Variants in GRIA3 observed in about 807,000 individuals in gnomAD.
GRIA3 encodes the protein glutamate ionotropic receptor AMPA type subunit 3.
GRIA3 carries 3 observed loss-of-function variants against 63.0 expected under a neutral mutation model. The observed-to-expected ratio is 0.05, with a 90% CI of 0.02 to 0.12. The LOEUF (loss-of-function observed/expected upper bound fraction) is 0.12, where lower values mean the gene tolerates loss of function less well. GRIA3 is among the 10% of genes least tolerant of loss of function. The pLI, the probability that GRIA3 is intolerant of heterozygous loss-of-function variation, is 1.00. For synonymous variants in GRIA3, 274 were observed against 257.9 expected (o/e 1.06, Z -0.60); for missense variants, 347 against 700.9 (o/e 0.50, Z 5.70).
chrX:123,330,475 T>C (rs1002213724), intron 4 of GRIA3, among the ~76,000 whole-genome samples: 1 of 112,147 alleles, frequency 8.9e-6, no homozygotes, highest in African/African-American at 3.2e-5. Context: ...GGATTTGGCC[T>C]GCTTATCAGG....
intron 2 of GRIA3, among the ~76,000 whole-genome samples, chrX:123,245,371 C>T (rs1366088000): frequency 1.8e-5 from 2 of 111,765 alleles, no homozygotes; most frequent in Non-Finnish European, 1.9e-5. Flanking sequence ...GCTGAAGCTA[C>T]AGGTATCTAG....
chrX:123,190,125 C>A (rs1927389477), intron 2 of GRIA3, among the ~76,000 whole-genome samples: 1 of 111,319 alleles, frequency 9.0e-6, no homozygotes, highest in Admixed American at 9.5e-5. Context: ...TCTGTCCTTT[C>A]CATGTAAGAT....
At chrX:123,260,406 CAGACAGACAGACAGACAGACAG>C (rs1569409544) in intron 3 of GRIA3, among the ~76,000 whole-genome samples, 1 of 5,152 alleles carries the variant, frequency 1.9e-4, no homozygotes, top group African/African-American at 6.2e-4. Flanking sequence ...GAAAGAAAGA[CAGACAGACAGACAGACAGACAG>C]AAAGAAAGAA....
chrX:123,298,052 AT>A (rs753310018), intron 3 of GRIA3, among the ~76,000 whole-genome samples: 1 of 110,867 alleles, frequency 9.0e-6, no homozygotes, highest in Non-Finnish European at 1.9e-5. Flanking sequence ...AAAGGACACG[AT>A]TTTTTTTATG....
At chrX:123,396,914 C>A (rs2147380021) in intron 6 of GRIA3, among the ~76,000 whole-genome samples, 1 of 112,011 alleles carries the variant, frequency 8.9e-6, no homozygotes, top group South Asian at 3.8e-4. Flanking sequence ...GAGAGAAATT[C>A]ATTTATTCAA....
Position 123,373,279 on chromosome X carries a change from G to C in GRIA3, c.750+18316G>C, listed in dbSNP as rs766726345. On this transcript the variant is annotated intron_variant, in intron 5 of 15. Transcript: ENST00000620443. ...CCAGTCTATCATTGATGGACATTTG[G>C]GTTGGTTCCAAGTCTTTGCTACTGT... is the stretch of plus-strand genomic sequence containing the variant. Among the ~76,000 whole-genome samples the C allele has an allele frequency of 1.1e-4, 12 of 111,463 alleles. No individual in the cohort carries two copies. In the South Asian group the frequency reaches 4.5e-3, roughly 42 times the overall value.
At chrX:123,238,341 A>G (rs1225591394) in intron 2 of GRIA3, among the ~76,000 whole-genome samples, 1 of 110,967 alleles carries the variant, frequency 9.0e-6, no homozygotes, top group Non-Finnish European at 1.9e-5. Flanking sequence ...CAGAGGGCCT[A>G]GGGAGGAGGG....
chrX:123,354,465 A>G (rs2045119469), intron 4 of GRIA3, among the ~76,000 whole-genome samples: 1 of 111,783 alleles, frequency 8.9e-6, no homozygotes. Context: ...TGAAAATCCC[A>G]TTAACCCCAT....
chrX:123,207,877 C>G (rs1238049635), intron 2 of GRIA3, among the ~76,000 whole-genome samples: 4 of 111,446 alleles, frequency 3.6e-5, no homozygotes, highest in African/African-American at 1.3e-4. Flanking sequence ...TTTGAACCAG[C>G]CAAGTATATA....
At chrX:123,192,501 T>TC (rs1379685148) in intron 2 of GRIA3, among the ~76,000 whole-genome samples, 1 of 111,563 alleles carries the variant, frequency 9.0e-6, no homozygotes, top group African/African-American at 3.3e-5. Context: ...CCTCCATCCT[T>TC]CCCTTACCTT....
chrX:123,196,476 C>T (rs978161125), intron 2 of GRIA3, among the ~76,000 whole-genome samples: 19 of 111,746 alleles, frequency 1.7e-4, no homozygotes, highest in South Asian at 7.6e-4. Context: ...TAGACCCAGA[C>T]AAATTCAGCT....
chrX:123,218,288 C>A (rs184283130), intron 2 of GRIA3, among the ~76,000 whole-genome samples: 2 of 111,161 alleles, frequency 1.8e-5, no homozygotes, highest in East Asian at 5.7e-4. Context: ...TTCAGGTTAT[C>A]CAGCTTATTA....
intron 12 of GRIA3, among the ~76,000 whole-genome samples, chrX:123,459,520 C>T (rs2045781256): frequency 8.9e-6 from 1 of 112,190 alleles, no homozygotes; most frequent in Non-Finnish European, 1.9e-5. Flanking sequence ...ACCATATCTG[C>T]TATTTGGGAT....
chrX:123,325,237 C>T (rs1211274484), intron 3 of GRIA3, among the ~76,000 whole-genome samples: 2 of 111,835 alleles, frequency 1.8e-5, no homozygotes, highest in Non-Finnish European at 3.8e-5. Context: ...ATGGATCATA[C>T]TTCAGATATT....
At chrX:123,272,435 G>C in intron 3 of GRIA3, among the ~76,000 whole-genome samples, 1 of 112,161 alleles carries the variant, frequency 8.9e-6, no homozygotes, top group South Asian at 3.7e-4. Flanking sequence ...AAGCAAACCT[G>C]CTTTCCACCC....
intron 12 of GRIA3, among the ~76,000 whole-genome samples, chrX:123,463,925 T>G (rs1323390928): frequency 9.0e-6 from 1 of 110,864 alleles, no homozygotes; most frequent in East Asian, 2.8e-4. Flanking sequence ...TTCTGGTCAT[T>G]TATTTGGGGT....
chrX:123,346,998 G>T (rs1423004079), intron 4 of GRIA3, among the ~76,000 whole-genome samples: 2 of 112,106 alleles, frequency 1.8e-5, no homozygotes, highest in African/African-American at 6.5e-5. Flanking sequence ...AGTATTGTTC[G>T]ATTTTTGTGG....
intron 5 of GRIA3, among the ~76,000 whole-genome samples, chrX:123,375,675 G>A (rs915146821): frequency 3.6e-5 from 4 of 111,478 alleles, no homozygotes; most frequent in Admixed American, 9.6e-5. Context: ...CTGTATTTGC[G>A]GATATCACCC....
intron 2 of GRIA3, chrX:123,202,567 C>A: frequency 9.3e-7 from 1 of 1,072,273 alleles, no homozygotes; most frequent in Non-Finnish European, 1.3e-6. Flanking sequence ...GAAGTGCCCC[C>A]TTTCCACCCT....
Sources: gnomAD v4.1 joint callset for allele counts (sites outside exome capture counted in the v4.1 genomes callset) on GRCh38, gnomAD v4.1.1 for gene constraint, MANE v1.5 for transcripts, NCBI Gene and HGNC (gene_info 2026-07-23, HGNC 2026-07-21) for gene names.